Variants in TMEM71 observed in about 807,000 individuals in gnomAD.
TMEM71 encodes the protein transmembrane protein 71.
TMEM71 carries 44 observed loss-of-function variants against 38.0 expected under a neutral mutation model. The observed-to-expected ratio is 1.16, with a 90% CI of 0.91 to 1.49. The LOEUF (loss-of-function observed/expected upper bound fraction) is 1.49, where lower values mean the gene tolerates loss of function less well. TMEM71 is among the 40% of genes most tolerant of loss of function. The probability of loss-of-function intolerance (pLI) is 0.00; values close to 1 mark genes in which losing one functional copy is unlikely to be tolerated. For synonymous variants in TMEM71, 133 were observed against 122.5 expected (o/e 1.09, Z -0.56); for missense variants, 367 against 348.6 (o/e 1.05, Z -0.42).
At chr8:132,739,099 A>C (rs1827900182) in intron 5 of TMEM71, among the ~76,000 whole-genome samples, 1 of 152,224 alleles carries the variant, frequency 6.6e-6, no homozygotes, top group Admixed American at 6.5e-5. Flanking sequence ...TAGGAAGCAG[A>C]TTAAGAAAAA....
At chr8:132,724,324 G>A (rs970393068) in intron 6 of TMEM71, among the ~76,000 whole-genome samples, 1 of 152,102 alleles carries the variant, frequency 6.6e-6, no homozygotes, top group African/African-American at 2.4e-5. Flanking sequence ...TATCTCAACG[G>A]CATAGGACAG....
intron 5 of TMEM71, 92 bp downstream of exon 5, chr8:132,746,850 A>G (rs954649302): frequency 1.1e-5 from 11 of 1,043,014 alleles, no homozygotes; most frequent in African/African-American, 6.5e-5. Context: ...AATGACTGTC[A>G]TCCCTGGAAC....
chr8:132,738,971 T>C (rs778359116), intron 5 of TMEM71, among the ~76,000 whole-genome samples: 3 of 152,166 alleles, frequency 2.0e-5, no homozygotes, highest in Non-Finnish European at 4.4e-5. Context: ...GTATAAGTAG[T>C]TATCAGTGGG....
the TMEM71 span, among the ~76,000 whole-genome samples, chr8:132,774,988 TGTA>T: frequency 6.6e-6 from 1 of 152,268 alleles, no homozygotes; most frequent in Admixed American, 6.5e-5. Context: ...TTATTGATTT[TGTA>T]GTAGTAACCA....
chr8:132,759,737 G>A (rs1829228825), intron 1 of TMEM71, among the ~76,000 whole-genome samples: 5 of 152,046 alleles, frequency 3.3e-5, no homozygotes. Context: ...AACTAGTAAT[G>A]GATTGTTTTT....
At chr8:132,756,191 T>C (rs1269872292) in intron 3 of TMEM71, among the ~76,000 whole-genome samples, 1 of 151,864 alleles carries the variant, frequency 6.6e-6, no homozygotes, top group African/African-American at 2.4e-5. Flanking sequence ...AAAGACTTCC[T>C]TGTAGTACTT....
the TMEM71 span, chr8:132,775,208 T>A: frequency 2.5e-5 from 8 of 317,042 alleles, no homozygotes; most frequent in Non-Finnish European, 4.0e-5. Flanking sequence ...CGTTCTTTCC[T>A]CCAGTAACCA....
chr8:132,717,043 G>C (rs1377357961), intron 7 of TMEM71, among the ~76,000 whole-genome samples: 1 of 152,128 alleles, frequency 6.6e-6, no homozygotes, highest in Non-Finnish European at 1.5e-5. Flanking sequence ...ATACGCAAAA[G>C]AATGAAGTTG....
chr8:132,720,757 G>A (rs918952149), intron 7 of TMEM71, among the ~76,000 whole-genome samples: 6 of 152,156 alleles, frequency 3.9e-5, no homozygotes, highest in Admixed American at 1.3e-4. Context: ...TGTGGGACTC[G>A]AGAGCAGGCA....
upstream of TMEM71, among the ~76,000 whole-genome samples, chr8:132,763,387 T>G (rs138263858): frequency 7.7e-3 from 1,167 of 152,356 alleles, 16 homozygotes; most frequent in South Asian, 0.042. Context: ...TTTGTGGAAT[T>G]AACAAATAAA....
chr8:132,751,941 G>A lies in TMEM71; in HGVS notation c.158C>T (p.Pro53Leu). The change falls in exon 4 of 10, where the codon CCC becomes CTC. Residue 53 changes from proline (P) to leucine (L), a missense_variant. Pro to Leu is a moderately conservative substitution (Grantham distance 98). Transcript: ENST00000677595. ...YHSFECGSID[P>L]LTGSHYTCRR... ...ACAGGTATAGTGGGAGCCTGTCAGG[G>A]GATCTATGGAGCCGCATTCAAAAGA... 1 of 1,614,106 alleles carries A rather than the reference G, an allele frequency of 6.2e-7. No homozygotes were observed.
chr8:132,720,379 G>A (rs924938890), intron 7 of TMEM71, among the ~76,000 whole-genome samples: 4 of 152,132 alleles, frequency 2.6e-5, no homozygotes, highest in Admixed American at 1.3e-4. Context: ...AGGGCTCTGC[G>A]ATCAACTTGG....
chr8:132,758,577 C>A (rs1282648578), intron 2 of TMEM71: 23 of 423,310 alleles, frequency 5.4e-5, no homozygotes, highest in Non-Finnish European at 8.8e-5. Flanking sequence ...AGCTGATAAA[C>A]AATCTCCTTT....
downstream of TMEM71, among the ~76,000 whole-genome samples, chr8:132,707,882 T>C (rs1468682638): frequency 1.3e-5 from 2 of 152,142 alleles, no homozygotes; most frequent in South Asian, 2.1e-4. Flanking sequence ...GGTGCCTACA[T>C]AAACATGACA....
chr8:132,717,275 G>A (rs1826584711), intron 7 of TMEM71, among the ~76,000 whole-genome samples: 1 of 152,112 alleles, frequency 6.6e-6, no homozygotes, highest in South Asian at 2.1e-4. Context: ...TGCACATAAA[G>A]AATACATTCG....
At chr8:132,756,278 A>G (rs997558834) in intron 3 of TMEM71, among the ~76,000 whole-genome samples, 1 of 151,792 alleles carries the variant, frequency 6.6e-6, no homozygotes, top group South Asian at 2.1e-4. Flanking sequence ...TTGCTCTTGT[A>G]AAACAAGATA....
At chr8:132,755,931 T>A (rs1385384777) in intron 3 of TMEM71, among the ~76,000 whole-genome samples, 2 of 152,174 alleles carry the variant, frequency 1.3e-5, no homozygotes, top group Non-Finnish European at 2.9e-5. Context: ...AGCTAGTAAG[T>A]GGCAGAGCTA....
chr8:132,733,049 A>G (rs991516710), intron 5 of TMEM71, among the ~76,000 whole-genome samples: 16 of 152,314 alleles, frequency 1.1e-4, no homozygotes, highest in South Asian at 8.3e-4. Flanking sequence ...TCCTGGTTGT[A>G]CTTAATCTAG....
At chr8:132,741,762 A>C (rs994878688) in intron 5 of TMEM71, among the ~76,000 whole-genome samples, 3 of 152,210 alleles carry the variant, frequency 2.0e-5, no homozygotes, top group African/African-American at 7.2e-5. Context: ...CCACTGAAGC[A>C]CAGCATCACA....
Sources: gnomAD v4.1 joint callset for allele counts (sites outside exome capture counted in the v4.1 genomes callset) on GRCh38, gnomAD v4.1.1 for gene constraint, MANE v1.5 for transcripts, NCBI Gene and HGNC (gene_info 2026-07-23, HGNC 2026-07-21) for gene names.